The following NKAIN3 variants were observed in gnomAD, a reference collection of about 807,000 sequenced individuals.
NKAIN3 encodes the protein sodium/potassium transporting ATPase interacting 3, also known as sodium/potassium-transporting ATPase subunit beta-1-interacting protein 3.
NKAIN3 carries 25 observed loss-of-function variants against 30.2 expected under a neutral mutation model. The ratio of observed to expected loss-of-function variants is 0.83; its 90% CI spans 0.60 to 1.16. The LOEUF is 1.16. Among genes scored for constraint, NKAIN3 ranks in the 50% most tolerant of loss-of-function variants. NKAIN3 has a pLI of 0.00. For synonymous variants in NKAIN3, 91 were observed against 89.6 expected (o/e 1.02, Z -0.09); for missense variants, 225 against 254.1 (o/e 0.89, Z 0.78).
At chr8:62,648,038 A>C (rs140106335) in intron 3 of NKAIN3, among the ~76,000 whole-genome samples, 1 of 152,138 alleles carries the variant, frequency 6.6e-6, no homozygotes, top group East Asian at 1.9e-4. Context: ...AGAGTGAGGG[A>C]CCAAAGTGAT....
At chr8:62,451,070 T>C (rs1369818369) in intron 1 of NKAIN3, among the ~76,000 whole-genome samples, 2 of 152,188 alleles carry the variant, frequency 1.3e-5, no homozygotes, top group African/African-American at 4.8e-5. Flanking sequence ...TATAATTATC[T>C]TTTTTATTAT....
At chr8:62,531,546 C>T (rs2129841744) in intron 1 of NKAIN3, among the ~76,000 whole-genome samples, 1 of 152,306 alleles carries the variant, frequency 6.6e-6, no homozygotes, top group Non-Finnish European at 1.5e-5. Flanking sequence ...GCACTCTCAT[C>T]TTTCATTTTA....
chr8:62,945,599 T>C (rs1823101199), intron 5 of NKAIN3, among the ~76,000 whole-genome samples: 1 of 152,314 alleles, frequency 6.6e-6, no homozygotes, highest in East Asian at 1.9e-4. Context: ...AGAATGGCCA[T>C]ACTTTTTCAA....
chr8:62,478,048 C>T (rs1238559734), intron 1 of NKAIN3, among the ~76,000 whole-genome samples: 2 of 152,114 alleles, frequency 1.3e-5, no homozygotes, highest in Non-Finnish European at 2.9e-5. Flanking sequence ...AGAAGTTCTC[C>T]CCACTCATGA....
At chr8:62,825,405 T>C (rs58323408) in intron 4 of NKAIN3, among the ~76,000 whole-genome samples, 1 of 152,134 alleles carries the variant, frequency 6.6e-6, no homozygotes, top group Non-Finnish European at 1.5e-5. Flanking sequence ...ACTGAAAATA[T>C]TGAAAATGTT....
intron 1 of NKAIN3, among the ~76,000 whole-genome samples, chr8:62,381,229 G>A (rs938145455): frequency 6.6e-6 from 1 of 151,896 alleles, no homozygotes; most frequent in African/African-American, 2.4e-5. Context: ...AAGTTCTCCT[G>A]TAGTTAAAAT....
At chr8:62,651,423 T>G (rs1385319842) in intron 3 of NKAIN3, among the ~76,000 whole-genome samples, 1 of 152,206 alleles carries the variant, frequency 6.6e-6, no homozygotes, top group Non-Finnish European at 1.5e-5. Context: ...TAAATCTTAT[T>G]GACAGATCAT....
intron 3 of NKAIN3, among the ~76,000 whole-genome samples, chr8:62,685,598 T>G (rs144455438): frequency 3.3e-4 from 51 of 152,334 alleles, no homozygotes; most frequent in African/African-American, 1.1e-3. Flanking sequence ...ATTCTTTTAG[T>G]CAAGTAGGGA....
intron 1 of NKAIN3, among the ~76,000 whole-genome samples, chr8:62,561,456 A>G (rs1809574716): frequency 6.6e-6 from 1 of 152,190 alleles, no homozygotes; most frequent in Non-Finnish European, 1.5e-5. Flanking sequence ...ATGAGGCACA[A>G]ATAAAAAGTT....
chr8:62,741,362 AGAAGGAAGGAAGGAAGGAAG>A (rs200947376), intron 3 of NKAIN3, among the ~76,000 whole-genome samples: 3,124 of 137,988 alleles, frequency 0.023, 116 homozygotes, highest in African/African-American at 0.076. Flanking sequence ...AGAGAGAGAA[AGAAGGAAGGAAGGAAGGAAG>A]GAAGGAAGGA....
chr8:62,418,003 A>G (rs1485255195), intron 1 of NKAIN3, among the ~76,000 whole-genome samples: 2 of 152,158 alleles, frequency 1.3e-5, no homozygotes, highest in Non-Finnish European at 2.9e-5. Context: ...TTTGAGTATG[A>G]TATTTTGGTA....
chr8:62,518,688 A>G lies in NKAIN3; in HGVS notation c.55-60851A>G, dbSNP rs757629385. On this transcript the variant is annotated intron_variant, in intron 1 of 6. Transcript: ENST00000623646. The stretch of plus-strand genomic sequence containing the variant: ...AATTGTTTTTTCCTAAAAACACATA[A>G]AATTGCTTTTTAAAACTATGATTTT... Among the ~76,000 whole-genome samples, 136 of 152,298 alleles carry G rather than the reference A, an allele frequency of 8.9e-4. 2 individuals are homozygous for G. The highest frequency in any genetic ancestry group is 1.6e-3 in the Non-Finnish European group (112 of 68,012).
intron 1 of NKAIN3, among the ~76,000 whole-genome samples, chr8:62,435,209 G>A (rs369860188): frequency 2.0e-5 from 3 of 152,262 alleles, no homozygotes; most frequent in African/African-American, 7.2e-5. Flanking sequence ...GCTACTGAAA[G>A]TGTGAGGACT....
intron 1 of NKAIN3, among the ~76,000 whole-genome samples, chr8:62,381,443 T>C (rs539559179): frequency 1.3e-5 from 2 of 152,256 alleles, no homozygotes; most frequent in East Asian, 3.9e-4. Flanking sequence ...AAGTCAAGCT[T>C]CTTATCCTTT....
intron 1 of NKAIN3, among the ~76,000 whole-genome samples, chr8:62,273,639 G>A (rs867697233): frequency 1.3e-5 from 2 of 152,156 alleles, no homozygotes; most frequent in African/African-American, 2.4e-5. Context: ...GTGCCACAGT[G>A]TTAATACCAA....
chr8:62,467,745 A>T (rs2129599849), intron 1 of NKAIN3, among the ~76,000 whole-genome samples: 1 of 152,172 alleles, frequency 6.6e-6, no homozygotes, highest in African/African-American at 2.4e-5. Context: ...ATATTATTTC[A>T]TTGAAAAGAG....
At chr8:62,948,096 G>T (rs969572332) in intron 5 of NKAIN3, among the ~76,000 whole-genome samples, 2 of 152,168 alleles carry the variant, frequency 1.3e-5, no homozygotes, top group Non-Finnish European at 2.9e-5. Context: ...CAACTAGTAA[G>T]TGTAGAGCTG....
intron 4 of NKAIN3, among the ~76,000 whole-genome samples, chr8:62,876,683 A>G (rs1473067969): frequency 3.9e-5 from 6 of 152,160 alleles, no homozygotes; most frequent in African/African-American, 1.4e-4. Context: ...TGAAGCTGGA[A>G]CCCATCAGCC....
intron 4 of NKAIN3, chr8:62,863,718 T>G: frequency 6.4e-7 from 1 of 1,571,038 alleles, no homozygotes; most frequent in Non-Finnish European, 8.8e-7. Context: ...TGAGCACTTT[T>G]TACAACTTTC....
Sources: gnomAD v4.1 joint callset for allele counts (sites outside exome capture counted in the v4.1 genomes callset) on GRCh38, gnomAD v4.1.1 for gene constraint, MANE v1.5 for transcripts, NCBI Gene and HGNC (gene_info 2026-07-23, HGNC 2026-07-21) for gene names.